DUSP19: variants seen among roughly 807,000 people sequenced by gnomAD.
The protein encoded by DUSP19 is dual specificity protein phosphatase 19.
A neutral mutation model predicts 16.6 loss-of-function variants in DUSP19; 14 were observed. The ratio of observed to expected loss-of-function variants is 0.84; its 90% confidence interval spans 0.56 to 1.32. The LOEUF is 1.32. Ranked by LOEUF, DUSP19 falls within the 40% of genes most tolerant of loss-of-function variation. DUSP19 has a pLI of 0.00. For synonymous variants in DUSP19, 81 were observed against 90.5 expected, an observed-to-expected ratio of 0.90 and a Z score of 0.59; for missense variants, 258 against 255.9, an observed-to-expected ratio of 1.01 and a Z score of -0.06.
rs1699829761 is a variant in DUSP19 at position 183,098,243 on chromosome 2, A to G, written c.*2585A>G. On this transcript the variant is annotated 3_prime_UTR_variant, in exon 4 of 4. Coordinates refer to ENST00000354221, the MANE Select transcript of DUSP19 (RefSeq NM_080876.4). ...TAGTTTATATGCTTAGTTGTTGCCT[A>G]TAGTGATCTGGGTAAGATTCAAACA... 1 of 152,304 alleles carries G rather than the reference A, an allele frequency of 6.6e-6. No homozygotes were observed. Among genetic ancestry groups the G allele is most frequent in the East Asian group, 1.9e-4 (1 of 5,184 alleles). 9.4% of individuals were successfully genotyped at this position (152,304 alleles called of 1,614,324 possible).
At position 183,095,517 on chromosome 2, in the gene DUSP19, C is replaced by G. The variant is rs767227404; in HGVS notation, c.513C>G (p.Thr171=). The change falls in exon 4 of 4, where the codon ACC becomes ACG. Residue 171 remains threonine, a synonymous_variant. Coordinates refer to ENST00000354221, the MANE Select transcript of DUSP19 (RefSeq NM_080876.4). The part of the protein sequence containing the change: ...VIGFLMNSEQ[T]SFTSAFSLVK... ...GTTTCCTGATGAATTCTGAACAAAC[C>G]TCATTTACCAGTGCTTTTTCTTTGG... 1.2e-6 allele frequency: 2 copies of G among 1,613,712 alleles called. No homozygotes were observed. Among genetic ancestry groups the G allele is most frequent in the Non-Finnish European group, 1.7e-6 (2 of 1,179,952 alleles).
chr2:183,085,646 A>T (rs1188385150), intron 2 of DUSP19, among the ~76,000 whole-genome samples: 1 of 151,922 alleles, frequency 6.6e-6, no homozygotes, highest in Non-Finnish European at 1.5e-5. Flanking sequence ...AGCTTTGAGC[A>T]TGTTTTAAGG....
intron 3 of DUSP19, among the ~76,000 whole-genome samples, 194 bp from the exon 4 acceptor site, chr2:183,095,237 G>A (rs1699782599): frequency 6.6e-6 from 1 of 151,994 alleles, no homozygotes; most frequent in Admixed American, 6.6e-5. Flanking sequence ...GGTACAGGTT[G>A]ATTGATTGAT....
intron 1 of DUSP19, among the ~76,000 whole-genome samples, chr2:183,079,656 T>C (rs1466736026): frequency 6.6e-6 from 1 of 152,208 alleles, no homozygotes; most frequent in Non-Finnish European, 1.5e-5. Flanking sequence ...ATGGTGTCTG[T>C]TTTTGGAGTG....
chr2:183,078,762 G>C lies in DUSP19; in HGVS notation c.-172G>C. 4 of 610,506 alleles carry C rather than the reference G, an allele frequency of 6.6e-6. 1 individual carries two copies. The highest frequency in any genetic ancestry group is 6.2e-5 in the South Asian group (3 of 48,222). The allele number at this position is 610,506 out of a possible 1,614,324, so 37.8% of individuals were successfully genotyped here. A position where few individuals can be genotyped will look rare whatever the true frequency, so the allele number is the denominator to read the frequency against. On this transcript the variant is annotated 5_prime_UTR_variant, in exon 1 of 4. Transcript: ENST00000354221. ...ATTTCGCCTTACATTGCATCGCTGG[G>C]ATAAACGGAGCTGGACGACTCAGTC...
chr2:183,078,906 G>GT lies in DUSP19; in HGVS notation c.-27dup, dbSNP rs1559125916. ...TTTTCTATGCCTGCTGGATTTGTTT[G>GT]TATTTGTTCCCAGCCACTGCTCATG... On this transcript the variant is annotated 5_prime_UTR_variant, in exon 1 of 4. Transcript: ENST00000354221. 1 of 1,605,250 alleles carries GT rather than the reference G, an allele frequency of 6.2e-7. No individual in the cohort carries two copies. Among genetic ancestry groups the GT allele is most frequent in the East Asian group, 2.2e-5 (1 of 44,754 alleles).
chr2:183,094,734 T>C (rs2105506867), intron 3 of DUSP19, among the ~76,000 whole-genome samples: 1 of 152,322 alleles, frequency 6.6e-6, no homozygotes, highest in East Asian at 1.9e-4. Context: ...TACTACATCG[T>C]AAGTTTAAAT....
At chr2:183,083,287 G>A (rs185757442) in intron 1 of DUSP19, 6 of 452,276 alleles carry the variant, frequency 1.3e-5, no homozygotes, top group African/African-American at 1.2e-4. Flanking sequence ...GCTAATCTTT[G>A]CAACATCTAT....
chr2:183,090,711 T>G (rs769479753), intron 3 of DUSP19, among the ~76,000 whole-genome samples: 1 of 152,238 alleles, frequency 6.6e-6, no homozygotes, highest in African/African-American at 2.4e-5. Flanking sequence ...GCCTTTTTTT[T>G]GGGAGGGCAA....
rs768611935 is a variant in DUSP19, at chr2:183,079,020, G to C, written c.87G>C (p.Lys29Asn). 1.9e-6 allele frequency: 3 copies of C among 1,614,038 alleles called. No homozygotes were observed. The African/African-American group carries it at 4.0e-5, about 22-fold the overall frequency. ...QCTRVTTLTG[K>N]KIIETWKDAR... The stretch of plus-strand genomic sequence containing the variant: ...CCAGGGTGACAACGCTAACTGGAAA[G>C]AAAATTATAGAAACATGGAAAGATG... Residue 29 changes from lysine (K) to asparagine (N), a missense_variant, in exon 1 of 4, where the codon AAG (lysine) becomes AAC (asparagine). Physicochemically the swap from Lys to Asn is moderately conservative, Grantham distance 94. Coordinates refer to ENST00000354221, the MANE Select transcript of DUSP19 (RefSeq NM_080876.4).
At chr2:183,091,977 A>C (rs1699737246) in intron 3 of DUSP19, among the ~76,000 whole-genome samples, 1 of 152,150 alleles carries the variant, frequency 6.6e-6, no homozygotes, top group African/African-American at 2.4e-5. Flanking sequence ...GTGGATAGTC[A>C]TGAGTGGACT....
intron 3 of DUSP19, among the ~76,000 whole-genome samples, chr2:183,088,397 G>GTTTTTTTTTTTTTGTT (rs1229529381): frequency 8.2e-6 from 1 of 121,330 alleles, no homozygotes; most frequent in African/African-American, 3.1e-5. Flanking sequence ...TGTTTTTTGT[G>GTTTTTTTTTTTTTGTT]TTTTTTTTTT....
chr2:183,083,627 T>C, intron 2 of DUSP19, 73 bp downstream of exon 2: 2 of 1,327,470 alleles, frequency 1.5e-6, no homozygotes, highest in Non-Finnish European at 2.1e-6. Flanking sequence ...AAAACTGTAT[T>C]GGTCCATCTT....
intron 2 of DUSP19, among the ~76,000 whole-genome samples, chr2:183,084,539 A>G (rs767107397): frequency 6.6e-5 from 10 of 152,184 alleles, no homozygotes; most frequent in Non-Finnish European, 1.3e-4. Flanking sequence ...TGACCCTGGA[A>G]TAGAGAGTGT....
Position 183,079,093 on chromosome 2 carries a change from T to TGTG in DUSP19, c.163_165dup (p.Gly55dup). 1.2e-6 allele frequency: 2 copies of TGTG among 1,614,022 alleles called. No homozygotes were observed. Among genetic ancestry groups the TGTG allele is most frequent in the Non-Finnish European group, 1.7e-6 (2 of 1,179,990 alleles). ...AGTAGAGCCGAGCAGTGGGGGTGGTTGTGGTTATGTGCAGGACCTTAGCTC... is the reference window on the plus strand; with the variant it reads ...AGTAGAGCCGAGCAGTGGGGGTGGTTGTGGTGGTTATGTGCAGGACCTTAGCTC... On this transcript the variant is annotated inframe_insertion, in exon 1 of 4. Coordinates refer to ENST00000354221, the MANE Select transcript of DUSP19 (RefSeq NM_080876.4).
rs2105501028 is a variant in DUSP19, at chr2:183,087,307, C to T, written c.426+115C>T. On this transcript the variant is annotated intron_variant, in intron 3 of 3. Transcript: ENST00000354221. The stretch of plus-strand genomic sequence containing the variant: ...CTCTAAAAAACAATTATGAAATTTC[C>T]CTTCTAACAATATTTCATTATTTCC... 9.3e-6 allele frequency: 10 copies of T among 1,070,370 alleles called. No homozygotes were observed. The South Asian group carries it at 1.8e-4, about 19-fold the overall frequency. The allele number at this position is 1,070,370 out of a possible 1,614,324, so 66.3% of individuals were successfully genotyped here.
In DUSP19 at chr2:183,087,076, A is replaced by C. The variant is rs1699672489; in HGVS notation, c.310A>C (p.Asn104His). 1 of 1,612,598 alleles carries C rather than the reference A, an allele frequency of 6.2e-7. No individual in the cohort carries two copies. The highest frequency in any genetic ancestry group is 1.7e-5 in the Admixed American group (1 of 59,914). The change falls in exon 3 of 4, where the codon AAT becomes CAT. Residue 104 changes from asparagine (N) to histidine (H), a missense_variant. Physicochemically the swap from Asn to His is moderately conservative, Grantham distance 68. Transcript: ENST00000354221. ...TCTTAATGTTGCATATGGAGTTGAA[A>C]ATGCTTTCCTCAGTGACTTTACATA... is the stretch of plus-strand genomic sequence containing the variant. ...HILNVAYGVE[N>H]AFLSDFTYKS...
intron 2 of DUSP19, among the ~76,000 whole-genome samples, chr2:183,085,716 T>C (rs560836619): frequency 6.6e-6 from 1 of 151,804 alleles, no homozygotes; most frequent in Non-Finnish European, 1.5e-5. Context: ...TATAGGGAGA[T>C]GCCAAGAAAG....
chr2:183,082,614 G>C (rs1410237016), intron 1 of DUSP19, among the ~76,000 whole-genome samples: 2 of 151,600 alleles, frequency 1.3e-5, no homozygotes, highest in Admixed American at 1.3e-4. Flanking sequence ...AGTAGAGATG[G>C]GGTTGTGCCA....
Sources: allele counts gnomAD v4.1 joint callset (sites outside exome capture counted in the v4.1 genomes callset), GRCh38; gene constraint gnomAD v4.1.1; transcripts MANE v1.5; gene names NCBI Gene and HGNC (gene_info 2026-07-23, HGNC 2026-07-21).